Variants in CEP290 observed in about 807,000 individuals in gnomAD.
The protein encoded by CEP290 is centrosomal protein 290.
In CEP290, 317 loss-of-function variants were observed where a neutral mutation model predicts 344.9. That is an observed-to-expected ratio of 0.92 (90% CI 0.84 to 1.01). The LOEUF (loss-of-function observed/expected upper bound fraction) is 1.01. Ranked by LOEUF, CEP290 falls within the 50% of genes least tolerant of loss-of-function variation. CEP290 has a pLI of 0.00. For missense variants in CEP290, 2,754 were observed against 2,761.4 expected (o/e 1.00, Z 0.06); for synonymous variants, 932 against 895.8 (o/e 1.04, Z -0.72).
chr12:88,109,098 A>C lies in CEP290; in HGVS notation c.2451T>G (p.His817Gln). 2.1e-6 allele frequency: 3 copies of C among 1,440,434 alleles called. No individual in the cohort carries two copies. The highest frequency in any genetic ancestry group is 2.8e-6 in the Non-Finnish European group (3 of 1,071,896). The allele number at this position is 1,440,434 out of a possible 1,614,324, so 89.2% of individuals were successfully genotyped here. Residue 817 changes from histidine (H) to glutamine (Q), a missense_variant, in exon 23 of 54, where the codon CAT becomes CAG. Transcript: ENST00000552810. ...ATTCTTTATACAACAAACTTTGTTGATGACGAATTACAGCAAATTTTCTGT... is the reference window on the plus strand; with the variant it reads ...ATTCTTTATACAACAAACTTTGTTGCTGACGAATTACAGCAAATTTTCTGT... ...DYNRKFAVIRHQQSLLYKEYL... is the reference protein window; with the variant it reads ...DYNRKFAVIRQQQSLLYKEYL...
intron 1 of CEP290, among the ~76,000 whole-genome samples, 189 bp downstream of exon 1, chr12:88,141,711 G>GA (rs941054135): frequency 6.6e-6 from 1 of 151,736 alleles, no homozygotes; most frequent in South Asian, 2.1e-4. Flanking sequence ...AATTGGGGCT[G>GA]AAAAAAAACG....
intron 12 of CEP290, among the ~76,000 whole-genome samples, chr12:88,126,090 A>G (rs2039710283): frequency 6.6e-6 from 1 of 152,106 alleles, no homozygotes; most frequent in South Asian, 2.1e-4. Flanking sequence ...ATAAACATAG[A>G]AAAATAAACA....
intron 23 of CEP290, among the ~76,000 whole-genome samples, chr12:88,108,154 T>G: frequency 6.6e-6 from 1 of 152,152 alleles, no homozygotes; most frequent in Non-Finnish European, 1.5e-5. Context: ...TGTAAGACAC[T>G]GTTGTCTACA....
At chr12:88,059,811 C>G in intron 48 of CEP290, 87 bp downstream of exon 48, 2 of 1,078,168 alleles carry the variant, frequency 1.9e-6, no homozygotes, top group Admixed American at 3.2e-5. Flanking sequence ...TTTACAGACA[C>G]TCTCATCAAG....
At chr12:88,099,283 T>C (rs1033440416) in intron 26 of CEP290, among the ~76,000 whole-genome samples, 2 of 152,132 alleles carry the variant, frequency 1.3e-5, no homozygotes, top group African/African-American at 4.8e-5. Flanking sequence ...ACTGAACATA[T>C]ATTGAAATAA....
chr12:88,096,663 T>C (rs921052123), intron 27 of CEP290, among the ~76,000 whole-genome samples: 4 of 152,128 alleles, frequency 2.6e-5, no homozygotes, highest in Admixed American at 1.3e-4. Flanking sequence ...TTTTAACATA[T>C]ATGATTTCAT....
chr12:88,116,929 G>C (rs549879987), intron 18 of CEP290, 104 bp downstream of exon 18: 3 of 555,192 alleles, frequency 5.4e-6, no homozygotes, highest in Non-Finnish European at 6.2e-6. Flanking sequence ...AGCCGAGATC[G>C]CGCCACTGCA....
chr12:88,071,847 T>G lies in CEP290; in HGVS notation c.5789A>C (p.Lys1930Thr). 6.2e-7 allele frequency: 1 copy of G among 1,605,542 alleles called. No homozygotes were observed. The highest frequency in any genetic ancestry group is 8.5e-7 in the Non-Finnish European group (1 of 1,176,760). ...AGTAAAGACTTCCCCCTCTTTCTCT[T>G]TTAACTTGTTTCGAATTCCTTCTAT... Reference protein sequence around the residue: ...AKIEGIRNKLKEKEGEVFTLT... With the variant: ...AKIEGIRNKLTEKEGEVFTLT... Residue 1930 changes from lysine to threonine, a missense_variant, in exon 42 of 54, where the codon AAA becomes ACA. Lys to Thr is a moderately conservative substitution (Grantham distance 78, BLOSUM62 -1). Coordinates refer to ENST00000552810, the MANE Select transcript of CEP290 (RefSeq NM_025114.4).
intron 22 of CEP290, among the ~76,000 whole-genome samples, chr12:88,109,966 T>C (rs1191218560): frequency 6.6e-6 from 1 of 151,936 alleles, no homozygotes; most frequent in Non-Finnish European, 1.5e-5. Context: ...AATAATAATA[T>C]CACATACAAA....
At position 88,049,139 on chromosome 12, in the gene CEP290, T is replaced by TA. The variant is rs760601847; in HGVS notation, c.*44dup. 1 of 1,154,452 alleles carries TA rather than the reference T, an allele frequency of 8.7e-7. No homozygotes were observed. The highest frequency in any genetic ancestry group is 1.5e-5 in the South Asian group (1 of 68,390). The allele number at this position is 1,154,452 out of a possible 1,614,324, so 71.5% of individuals were successfully genotyped here. A position where few individuals can be genotyped will look rare whatever the true frequency, so the allele number is the denominator to read the frequency against. The stretch of plus-strand genomic sequence containing the variant: ...CTTATTTCCAAGTATATTTAACTTA[T>TA]AAAGTTAATAAATAGTTAAATGAAA... On this transcript the variant is annotated 3_prime_UTR_variant, in exon 54 of 54. Coordinates refer to ENST00000552810, the MANE Select transcript of CEP290 (RefSeq NM_025114.4).
At chr12:88,110,296 G>A (rs2038589186) in intron 22 of CEP290, among the ~76,000 whole-genome samples, 1 of 152,100 alleles carries the variant, frequency 6.6e-6, no homozygotes, top group Non-Finnish European at 1.5e-5. Context: ...CCATTATATA[G>A]ACAGCAAAAC....
At chr12:88,102,748 T>C in intron 26 of CEP290, 90 bp downstream of exon 26, 1 of 997,472 alleles carries the variant, frequency 1.0e-6, no homozygotes. Context: ...GCAGGCAAAC[T>C]TTAATTAAAA....
chr12:88,077,928 G>T lies in CEP290; in HGVS notation c.5365-10C>A, dbSNP rs1161392634. ...AATCTTCAACTTGTGTCTAATAAGA[G>T]AAAAAGAAAGGTATTATTCATGACT... is the stretch of plus-strand genomic sequence containing the variant. On this transcript the variant is annotated splice_polypyrimidine_tract_variant and intron_variant, in intron 39 of 53. Transcript: ENST00000552810. 8.7e-7 allele frequency: 1 copy of T among 1,150,838 alleles called. No individual in the cohort carries two copies. Among genetic ancestry groups the T allele is most frequent in the Middle Eastern group, 2.9e-4 (1 of 3,464 alleles). The allele number at this position is 1,150,838 out of a possible 1,614,324, so 71.3% of individuals were successfully genotyped here. A position where few individuals can be genotyped will look rare whatever the true frequency, so the allele number is the denominator to read the frequency against.
intron 26 of CEP290, 146 bp downstream of exon 26, chr12:88,102,692 G>T: frequency 3.3e-6 from 2 of 598,632 alleles, no homozygotes; most frequent in Non-Finnish European, 5.6e-6. Flanking sequence ...TAACTAAACT[G>T]AATGAATAAT....
In CEP290 at chr12:88,083,841, T is replaced by A. The variant is rs769525877; in HGVS notation, c.4812+6A>T. ...AAAGAATGGAACAAAGTTCTTAGAA[T>A]CTTACCCAAGCCGTTTGTTTGAATT... is the stretch of plus-strand genomic sequence containing the variant. On this transcript the variant is annotated splice_donor_region_variant and intron_variant, in intron 36 of 53. Transcript: ENST00000552810. The A allele has an allele frequency of 3.3e-6, 5 of 1,526,110 alleles. No individual in the cohort carries two copies. The Admixed American group carries it at 9.6e-5, about 29-fold the overall frequency. The allele number at this position is 1,526,110 out of a possible 1,614,324, so 94.5% of individuals were successfully genotyped here.
intron 47 of CEP290, 51 bp downstream of exon 47, chr12:88,060,779 T>C: frequency 7.3e-7 from 1 of 1,374,142 alleles, no homozygotes; most frequent in Admixed American, 2.7e-5. Flanking sequence ...TCCTAAATAG[T>C]AACAAAACGT....
At chr12:88,082,294 T>A (rs2036254137) in intron 37 of CEP290, among the ~76,000 whole-genome samples, 1 of 152,230 alleles carries the variant, frequency 6.6e-6, no homozygotes, top group South Asian at 2.1e-4. Flanking sequence ...AAGTTTTCTA[T>A]CTGTATGTTA....
At chr12:88,085,898 C>T in intron 34 of CEP290, 141 bp downstream of exon 34, 1 of 768,204 alleles carries the variant, frequency 1.3e-6, no homozygotes, top group Non-Finnish European at 2.0e-6. Flanking sequence ...CTATTAGAAA[C>T]ATTATAGGAG....
chr12:88,058,124 G>A (rs1294513418), intron 49 of CEP290: 1 of 152,198 alleles, frequency 6.6e-6, no homozygotes, highest in African/African-American at 2.4e-5. Context: ...AATTGGAAAT[G>A]AGAATGACAC....
Sources: allele counts gnomAD v4.1 joint callset (sites outside exome capture counted in the v4.1 genomes callset), GRCh38; gene constraint gnomAD v4.1.1; transcripts MANE v1.5; gene names NCBI Gene and HGNC (gene_info 2026-07-23, HGNC 2026-07-21).